CALN1: variants seen among roughly 807,000 people sequenced by gnomAD.
The protein encoded by CALN1 is calcium-binding protein 8.
Under a neutral mutation model 30.6 loss-of-function variants are expected in CALN1, and 17 were observed. The ratio of observed to expected loss-of-function variants is 0.56; its 90% CI spans 0.38 to 0.83. The LOEUF (loss-of-function observed/expected upper bound fraction) is 0.83, where lower values mean the gene tolerates loss of function less well. Ranked by LOEUF, CALN1 falls within the 40% of genes least tolerant of loss-of-function variation. The pLI, the probability that CALN1 is intolerant of heterozygous loss-of-function variation, is 0.00. For missense variants in CALN1, 291 were observed against 354.9 expected (o/e 0.82, Z 1.45); for synonymous variants, 156 against 131.4 (o/e 1.19, Z -1.28).
At chr7:71,916,660 G>C (rs1487484389) in intron 5 of CALN1, among the ~76,000 whole-genome samples, 1 of 152,062 alleles carries the variant, frequency 6.6e-6, no homozygotes, top group African/African-American at 2.4e-5. Context: ...CACACACTGG[G>C]CACCTGTGCT....
At chr7:72,115,484 CTTTTTTTTTTTTTTT>C (rs71069026) in intron 3 of CALN1, among the ~76,000 whole-genome samples, 38 of 80,592 alleles carry the variant, frequency 4.7e-4, no homozygotes, top group African/African-American at 1.7e-3. Context: ...CATATACATT[CTTTTTTTTTTTTTTT>C]TTTTTTTTTT....
At chr7:71,877,888 G>A (rs1187054118) in intron 5 of CALN1, among the ~76,000 whole-genome samples, 2 of 152,160 alleles carry the variant, frequency 1.3e-5, no homozygotes. Flanking sequence ...CAATATACAA[G>A]CATCTAGTAG....
At position 72,338,527 on chromosome 7, in the gene CALN1, G is replaced by GTGTGTGTGTGTC. The variant is rs1190799242; in HGVS notation, c.120-59718_120-59717insGACACACACACA. On this transcript the variant is annotated intron_variant, in intron 2 of 6. Transcript: ENST00000395275. ...TGTGTGTGTGTGTGTGTGTGTGTGT[G>GTGTGTGTGTGTC]TCTCACCTGGGTGTGGTTTCAGAGT... Among the ~76,000 whole-genome samples the GTGTGTGTGTGTC allele has an allele frequency of 1.1e-3, 155 of 144,564 alleles. 5 individuals carry two copies. Among genetic ancestry groups the GTGTGTGTGTGTC allele is most frequent in the African/African-American group, 3.9e-3 (145 of 36,988 alleles). 94.8% of individuals were successfully genotyped at this position (144,564 alleles called of 152,430 possible). A position where few individuals can be genotyped will look rare whatever the true frequency, so the allele number is the denominator to read the frequency against.
intron 6 of CALN1, among the ~76,000 whole-genome samples, chr7:71,807,751 C>A (rs1043662640): frequency 2.0e-5 from 3 of 151,942 alleles, no homozygotes; most frequent in Admixed American, 2.0e-4. Context: ...ACCAGCCTGG[C>A]TAACATGGTA....
At chr7:72,124,749 A>C (rs1408158958) in intron 3 of CALN1, among the ~76,000 whole-genome samples, 1 of 152,032 alleles carries the variant, frequency 6.6e-6, no homozygotes, top group Admixed American at 6.6e-5. Flanking sequence ...CAAAGAAAAA[A>C]AAACATGAAG....
chr7:71,842,867 T>C (rs1202207838), intron 5 of CALN1, among the ~76,000 whole-genome samples: 1 of 152,218 alleles, frequency 6.6e-6, no homozygotes, highest in Non-Finnish European at 1.5e-5. Context: ...GACTGTAACA[T>C]AACTACATTA....
chr7:71,813,255 G>A (rs1788068596), intron 5 of CALN1, among the ~76,000 whole-genome samples: 1 of 152,094 alleles, frequency 6.6e-6, no homozygotes, highest in African/African-American at 2.4e-5. Context: ...ATGTTGGCCA[G>A]GCTGGTTTCG....
At chr7:72,331,347 C>CA (rs937480213) in intron 2 of CALN1, among the ~76,000 whole-genome samples, 33 of 151,344 alleles carry the variant, frequency 2.2e-4, no homozygotes, top group Admixed American at 6.6e-4. Context: ...GAGACTCCAT[C>CA]AAAAAAAAGA....
intron 3 of CALN1, among the ~76,000 whole-genome samples, chr7:72,180,606 T>C (rs894963365): frequency 2.3e-5 from 3 of 128,636 alleles, no homozygotes; most frequent in African/African-American, 5.2e-5. Flanking sequence ...TGCTTTTTTT[T>C]CTTTTTTTTT....
At chr7:72,168,467 G>T (rs1365038474) in intron 3 of CALN1, among the ~76,000 whole-genome samples, 1 of 152,104 alleles carries the variant, frequency 6.6e-6, no homozygotes, top group Non-Finnish European at 1.5e-5. Context: ...ACAGCTCAGG[G>T]CTTTAAAATG....
intron 4 of CALN1, among the ~76,000 whole-genome samples, chr7:72,074,861 A>T (rs958585584): frequency 1.3e-5 from 2 of 152,264 alleles, no homozygotes; most frequent in African/African-American, 4.8e-5. Context: ...AACCTGGGGA[A>T]CCAAACATAA....
At chr7:71,887,664 C>T (rs891651260) in intron 5 of CALN1, among the ~76,000 whole-genome samples, 3 of 151,878 alleles carry the variant, frequency 2.0e-5, no homozygotes, top group Admixed American at 6.6e-5. Flanking sequence ...GAGATTAGAG[C>T]GGGGGTCTCT....
At chr7:72,251,467 T>C (rs1282978309) in intron 3 of CALN1, among the ~76,000 whole-genome samples, 2 of 152,034 alleles carry the variant, frequency 1.3e-5, no homozygotes, top group African/African-American at 2.4e-5. Flanking sequence ...GGTGTGATCA[T>C]AGCTCACTGC....
intron 2 of CALN1, among the ~76,000 whole-genome samples, chr7:72,317,179 A>G (rs1800541941): frequency 5.8e-5 from 6 of 102,794 alleles, no homozygotes; most frequent in Admixed American, 3.4e-4. Context: ...GAGGGAGGGA[A>G]GGAGGCAGGA....
chr7:72,171,467 A>C (rs1466727006), intron 3 of CALN1, among the ~76,000 whole-genome samples: 5 of 152,224 alleles, frequency 3.3e-5, no homozygotes, highest in African/African-American at 1.2e-4. Flanking sequence ...TTCTTAAAAA[A>C]ATAAAAATTA....
At chr7:72,311,822 T>C (rs1188800162) in intron 2 of CALN1, among the ~76,000 whole-genome samples, 1 of 151,668 alleles carries the variant, frequency 6.6e-6, no homozygotes. Context: ...TCAAGCAAAG[T>C]AAGGTGATCT....
At chr7:71,868,739 C>G (rs1051095526) in intron 5 of CALN1, among the ~76,000 whole-genome samples, 5 of 152,072 alleles carry the variant, frequency 3.3e-5, no homozygotes, top group African/African-American at 1.2e-4. Flanking sequence ...TCACCTCCCC[C>G]CAGGTCCTAC....
intron 1 of CALN1, among the ~76,000 whole-genome samples, chr7:72,434,554 G>GGGAAGA (rs903335076): frequency 5.3e-5 from 8 of 150,154 alleles, no homozygotes; most frequent in African/African-American, 1.5e-4. Context: ...GGAGAAGGAG[G>GGGAAGA]GGAAGAGGAA....
At chr7:72,324,379 T>G (rs935821427) in intron 2 of CALN1, among the ~76,000 whole-genome samples, 2 of 151,900 alleles carry the variant, frequency 1.3e-5, no homozygotes, top group Non-Finnish European at 2.9e-5. Flanking sequence ...CACAGCAGGG[T>G]CATCCCATCT....
Sources: gnomAD v4.1 joint callset for allele counts (sites outside exome capture counted in the v4.1 genomes callset) on GRCh38, gnomAD v4.1.1 for gene constraint, MANE v1.5 for transcripts, NCBI Gene and HGNC (gene_info 2026-07-23, HGNC 2026-07-21) for gene names.